Variants in PALS2 observed in about 807,000 individuals in gnomAD.
The protein encoded by PALS2 is protein associated with LIN7 2, MAGUK p55 family member, also known as protein PALS2.
In PALS2, 27 loss-of-function variants were observed where a neutral mutation model predicts 61.6. The ratio of observed to expected loss-of-function variants is 0.44; its 90% confidence interval spans 0.32 to 0.60. The LOEUF (loss-of-function observed/expected upper bound fraction) is 0.60. Among genes scored for constraint, PALS2 ranks in the 20% least tolerant of loss-of-function variants. The pLI is 0.05. For synonymous variants in PALS2, 236 were observed against 218.6 expected, an observed-to-expected ratio of 1.08 and a Z score of -0.70; for missense variants, 554 against 639.4, an observed-to-expected ratio of 0.87 and a Z score of 1.44.
intron 1 of PALS2, among the ~76,000 whole-genome samples, chr7:24,593,368 G>C (rs1017702982): frequency 2.0e-5 from 3 of 152,052 alleles, no homozygotes; most frequent in Non-Finnish European, 2.9e-5. Flanking sequence ...GCTTCTTCCA[G>C]ACTCCTGTGA....
chr7:24,688,352 A>G lies in PALS2; in HGVS notation c.*738A>G, dbSNP rs192291139. Reference sequence around the variant, plus strand: ...ATGCTAACTAATTTAACATGTACACAGTAAGCTCTGGGGCTGGAAGCAAGG... The same window carrying G: ...ATGCTAACTAATTTAACATGTACACGGTAAGCTCTGGGGCTGGAAGCAAGG... On this transcript the variant is annotated 3_prime_UTR_variant, in exon 12 of 12. Transcript: ENST00000222644. 32 of 152,340 alleles carry G rather than the reference A, an allele frequency of 2.1e-4. No homozygotes were observed. The highest frequency in any genetic ancestry group is 7.7e-4 in the African/African-American group (32 of 41,584). 9.4% of individuals were successfully genotyped at this position (152,340 alleles called of 1,614,324 possible).
intron 11 of PALS2, among the ~76,000 whole-genome samples, chr7:24,682,177 CAA>C (rs1298473457): frequency 3.9e-4 from 60 of 152,180 alleles, no homozygotes; most frequent in African/African-American, 1.3e-3. Context: ...TTAATCCCCA[CAA>C]ATAAGGCAAG....
chr7:24,643,869 A>G (rs1327591341), intron 3 of PALS2, among the ~76,000 whole-genome samples: 1 of 152,160 alleles, frequency 6.6e-6, no homozygotes, highest in African/African-American at 2.4e-5. Flanking sequence ...ACGATGCAAC[A>G]TGAATTAAAC....
At chr7:24,593,359 C>G (rs1207188710) in intron 1 of PALS2, among the ~76,000 whole-genome samples, 1 of 152,124 alleles carries the variant, frequency 6.6e-6, no homozygotes, top group Non-Finnish European at 1.5e-5. Context: ...TTGGACTCAG[C>G]TTCTTCCAGA....
chr7:24,652,419 T>A (rs991856330), intron 5 of PALS2, among the ~76,000 whole-genome samples: 6 of 152,146 alleles, frequency 3.9e-5, no homozygotes, highest in African/African-American at 1.2e-4. Flanking sequence ...GTTTTCCACA[T>A]TCCATACCCT....
At chr7:24,636,943 G>A (rs920712038) in intron 2 of PALS2, among the ~76,000 whole-genome samples, 1 of 152,094 alleles carries the variant, frequency 6.6e-6, no homozygotes, top group Non-Finnish European at 1.5e-5. Context: ...TTGAAATAAT[G>A]TATGTATCTT....
Position 24,573,588 on chromosome 7 carries a change from G to A in PALS2, c.-8G>A, listed in dbSNP as rs1350021399. The A allele has an allele frequency of 5.3e-6, 2 of 375,580 alleles. No homozygotes were observed. Among genetic ancestry groups the A allele is most frequent in the Non-Finnish European group, 9.4e-6 (2 of 212,068 alleles). The allele number at this position is 375,580 out of a possible 1,614,324, so 23.3% of individuals were successfully genotyped here. A position where few individuals can be genotyped will look rare whatever the true frequency, so the allele number is the denominator to read the frequency against. On this transcript the variant is annotated 5_prime_UTR_variant, in exon 1 of 12. Transcript: ENST00000222644. This position sits in a 1 kb window ranked among gnomAD's most constrained non-coding sequence, Gnocchi z 5.3. ...GGCGGCGCGGAGGCGGCTGAGGTGC[G>A]AGCCGGTGAGTTAACTGGACCCCCA...
At chr7:24,624,371 G>A (rs1784647391) in intron 2 of PALS2, among the ~76,000 whole-genome samples, 1 of 152,036 alleles carries the variant, frequency 6.6e-6, no homozygotes, top group Non-Finnish European at 1.5e-5. Flanking sequence ...ATTCTTTAGA[G>A]TTCCCCCAAA....
At chr7:24,595,349 A>G (rs185415856) in intron 1 of PALS2, among the ~76,000 whole-genome samples, 2 of 148,118 alleles carry the variant, frequency 1.4e-5, no homozygotes, top group Non-Finnish European at 3.0e-5. Flanking sequence ...AGGAAATACA[A>G]ATCTGAAGCT....
At position 24,666,101 on chromosome 7, in the gene PALS2, A is replaced by C; in HGVS notation, c.952+12A>C. ...AACCAGAAATGCAGGTAGGTTTTAAATACTTTTTGAGAAGTCCAAGTGAAG... is the reference window on the plus strand; with the variant it reads ...AACCAGAAATGCAGGTAGGTTTTAACTACTTTTTGAGAAGTCCAAGTGAAG... On this transcript the variant is annotated intron_variant, in intron 8 of 11. Transcript: ENST00000222644. 6.2e-7 allele frequency: 1 copy of C among 1,600,016 alleles called. No individual in the cohort carries two copies. Among genetic ancestry groups the C allele is most frequent in the East Asian group, 2.2e-5 (1 of 44,752 alleles).
At position 24,693,929 on chromosome 7, in the gene PALS2, C is replaced by G. The variant is rs1458505867; in HGVS notation, c.*6315C>G. 2 of 151,518 alleles carry G rather than the reference C, an allele frequency of 1.3e-5. No individual in the cohort carries two copies. Among genetic ancestry groups the G allele is most frequent in the African/African-American group, 4.9e-5 (2 of 41,192 alleles). The allele number at this position is 151,518 out of a possible 1,614,324, so 9.4% of individuals were successfully genotyped here. ...CCCACGCCAGTTCGTTTTGGTAAGT[C>G]TTTTATTTGAACACAAGACGCATGC... On this transcript the variant is annotated 3_prime_UTR_variant, in exon 12 of 12. Coordinates refer to ENST00000222644, the MANE Select transcript of PALS2 (RefSeq NM_001303037.2).
chr7:24,623,938 C>A, intron 2 of PALS2, 154 bp downstream of exon 2: 3 of 983,394 alleles, frequency 3.1e-6, no homozygotes, highest in Non-Finnish European at 4.5e-6. Flanking sequence ...TTAACATATG[C>A]AAAAATTAGA....
intron 1 of PALS2, among the ~76,000 whole-genome samples, chr7:24,593,078 C>T (rs1399362376): frequency 6.6e-6 from 1 of 152,120 alleles, no homozygotes. Context: ...AACCCTGCTA[C>T]TTTACCAGCT....
At position 24,651,066 on chromosome 7, in the gene PALS2, C is replaced by T. The variant is rs150813779; in HGVS notation, c.651+354C>T. Reference sequence around the variant, plus strand: ...TAGGCCCTGGGAGAGGATAAAAATGCAGTCCAGATCACCTCCAGCTTAGTG... The same window carrying T: ...TAGGCCCTGGGAGAGGATAAAAATGTAGTCCAGATCACCTCCAGCTTAGTG... On this transcript the variant is annotated intron_variant, in intron 5 of 11. Coordinates refer to ENST00000222644, the MANE Select transcript of PALS2 (RefSeq NM_001303037.2). Among the ~76,000 whole-genome samples the T allele has an allele frequency of 3.3e-5, 5 of 152,110 alleles. No individual in the cohort carries two copies. In the South Asian group the frequency reaches 6.2e-4, roughly 19 times the overall value.
At chr7:24,624,772 A>G (rs541722816) in intron 2 of PALS2, among the ~76,000 whole-genome samples, 16 of 151,534 alleles carry the variant, frequency 1.1e-4, no homozygotes, top group African/African-American at 3.1e-4. Context: ...ACCCCTGGCT[A>G]ATTTTTGTAT....
intron 3 of PALS2, among the ~76,000 whole-genome samples, chr7:24,647,388 A>T (rs1785895347): frequency 6.6e-6 from 1 of 152,144 alleles, no homozygotes; most frequent in South Asian, 2.1e-4. Flanking sequence ...ACCTCAGGTG[A>T]TCTGCCCACC....
In PALS2 at chr7:24,663,611, G is replaced by T; in HGVS notation, c.673G>T (p.Asp225Tyr). 1.3e-6 allele frequency: 2 copies of T among 1,592,932 alleles called. No homozygotes were observed. Among genetic ancestry groups the T allele is most frequent in the South Asian group, 2.2e-5 (2 of 90,216 alleles). Residue 225 changes from aspartate to tyrosine, a missense_variant, in exon 6 of 12, where the codon GAT (aspartate) becomes TAT (tyrosine). Physicochemically the swap from Asp to Tyr is radical, Grantham distance 160. Coordinates refer to ENST00000222644, the MANE Select transcript of PALS2 (RefSeq NM_001303037.2). ...TTAGGTATTTGTGAAGTGTCATTTT[G>T]ATTATAATCCATACAATGACAACCT... ...PQQVFVKCHF[D>Y]YNPYNDNLIP...
At chr7:24,674,736 G>A (rs1292641901) in intron 9 of PALS2, 3 of 151,994 alleles carry the variant, frequency 2.0e-5, no homozygotes, top group Non-Finnish European at 2.9e-5. Flanking sequence ...TAAAATTAAG[G>A]TGATTTAACT....
In PALS2 at chr7:24,692,957, C is replaced by G. The variant is rs1225274616; in HGVS notation, c.*5343C>G. On this transcript the variant is annotated 3_prime_UTR_variant, in exon 12 of 12. Coordinates refer to ENST00000222644, the MANE Select transcript of PALS2 (RefSeq NM_001303037.2). ...TGAACCTCAAAATCCAGATATTAAT[C>G]CACTTTAGTTATTACTTTGTAATTG... 6.6e-6 allele frequency: 1 copy of G among 152,176 alleles called. No individual in the cohort carries two copies. Among genetic ancestry groups the G allele is most frequent in the African/African-American group, 2.4e-5 (1 of 41,460 alleles). 9.4% of individuals were successfully genotyped at this position (152,176 alleles called of 1,614,324 possible). A position where few individuals can be genotyped will look rare whatever the true frequency, so the allele number is the denominator to read the frequency against.
Sources: gnomAD v4.1 joint callset for allele counts (sites outside exome capture counted in the v4.1 genomes callset) on GRCh38, gnomAD v4.1.1 for gene constraint, Gnocchi (gnomAD v3.1) non-coding constraint, MANE v1.5 for transcripts, NCBI Gene and HGNC (gene_info 2026-07-23, HGNC 2026-07-21) for gene names.